The following NKD2 variants were observed in gnomAD, a reference collection of about 807,000 sequenced individuals.
NKD2 encodes the protein protein naked cuticle homolog 2.
A neutral mutation model predicts 34.8 loss-of-function variants in NKD2; 43 were observed. That is an observed-to-expected ratio of 1.24 (90% confidence interval 0.97 to 1.60). NKD2 has a LOEUF of 1.60. Ranked by LOEUF, NKD2 falls within the 40% of genes most tolerant of loss-of-function variation. The pLI, the probability that NKD2 is intolerant of heterozygous loss-of-function variation, is 0.00. For synonymous variants in NKD2, 278 were observed against 265.1 expected (o/e 1.05, Z -0.47); for missense variants, 675 against 627.1 (o/e 1.08, Z -0.82).
At position 1,037,841 on chromosome 5, in the gene NKD2, G is replaced by C. The variant is rs1397338053; in HGVS notation, c.824G>C (p.Gly275Ala). 1 of 1,590,778 alleles carries C rather than the reference G, an allele frequency of 6.3e-7. No homozygotes were observed. The highest frequency in any genetic ancestry group is 1.1e-5 in the South Asian group (1 of 88,978). Residue 275 changes from glycine to alanine, a missense_variant, in exon 10 of 10, where the codon GGC (glycine) becomes GCC (alanine). Coordinates refer to ENST00000296849, the MANE Select transcript of NKD2 (RefSeq NM_033120.4). Reference sequence around the variant, plus strand: ...GTGCAAGCAAAGCAGGAGCCCCAGGGCAGGGCCTCGCACCTCCAGGCCCGG... The same window carrying C: ...GTGCAAGCAAAGCAGGAGCCCCAGGCCAGGGCCTCGCACCTCCAGGCCCGG... ...PPVQAKQEPQ[G>A]RASHLQARSR...
At chr5:1,028,943 G>A (rs765742486) in intron 3 of NKD2, among the ~76,000 whole-genome samples, 6 of 152,326 alleles carry the variant, frequency 3.9e-5, no homozygotes, top group Non-Finnish European at 7.3e-5. Context: ...GGGATCCTGT[G>A]TGCGGACTTG....
At chr5:1,026,356 C>T (rs187848853) in intron 3 of NKD2, among the ~76,000 whole-genome samples, 2 of 86,916 alleles carry the variant, frequency 2.3e-5, no homozygotes, top group Non-Finnish European at 4.8e-5. Flanking sequence ...GCTCTTCCCA[C>T]CCTCTGTGGG....
At chr5:1,036,449 TC>T (rs1733937970) in intron 9 of NKD2, 65 bp downstream of exon 9, 8 of 1,427,030 alleles carry the variant, frequency 5.6e-6, no homozygotes, top group Non-Finnish European at 7.8e-6. Flanking sequence ...AGGTCTTGAT[TC>T]CCACAGCCCT....
chr5:1,009,108 AG>A lies in NKD2; in HGVS notation c.25+29del. 1 of 130,802 alleles carries A rather than the reference AG, an allele frequency of 7.6e-6. No individual in the cohort carries two copies. Among genetic ancestry groups the A allele is most frequent in the Non-Finnish European group, 1.2e-5 (1 of 84,636 alleles). 8.1% of individuals were successfully genotyped at this position (130,802 alleles called of 1,614,324 possible). On this transcript the variant is annotated intron_variant, in intron 1 of 9. Transcript: ENST00000296849. This position sits in a 1 kb window ranked among gnomAD's most constrained non-coding sequence, Gnocchi z 6.9. ...GTGAGCCGCGGGCCGGTAGGGCGGG[AG>A]GGCGGGCGGGCGGGCGTGGGGCCGC...
intron 3 of NKD2, among the ~76,000 whole-genome samples, chr5:1,015,164 C>T (rs1030375628): frequency 6.6e-6 from 1 of 152,206 alleles, no homozygotes. Context: ...CAGAGGGGTG[C>T]GTGAGTCCGT....
chr5:1,035,581 T>C, intron 8 of NKD2, 108 bp downstream of exon 8: 2 of 842,588 alleles, frequency 2.4e-6, no homozygotes, highest in Non-Finnish European at 3.8e-6. Context: ...ATCCTCTAGG[T>C]CAGACCTGCA....
intron 3 of NKD2, among the ~76,000 whole-genome samples, chr5:1,028,245 G>A (rs1756504093): frequency 6.6e-6 from 1 of 152,146 alleles, no homozygotes; most frequent in African/African-American, 2.4e-5. Context: ...CGGGGTGGTT[G>A]GCTCACAGAC....
chr5:1,038,200 C>T lies in NKD2; in HGVS notation c.1183C>T (p.Pro395Ser), dbSNP rs199826697. ...YRQKGREGHS[P>S]LKAPHAQPAT... ...CCAAAAGGGCAGGGAGGGCCACTCG[C>T]CACTCAAGGCCCCACACGCTCAGCC... Residue 395 changes from proline to serine, a missense_variant, in exon 10 of 10, where the codon CCA becomes TCA. Transcript: ENST00000296849. This position sits in a 1 kb window ranked among gnomAD's most constrained non-coding sequence, Gnocchi z 4.5. 4 of 1,590,058 alleles carry T rather than the reference C, an allele frequency of 2.5e-6. No homozygotes were observed. Among genetic ancestry groups the T allele is most frequent in the East Asian group, 2.3e-5 (1 of 43,924 alleles).
At chr5:1,027,472 C>A (rs1215099272) in intron 3 of NKD2, among the ~76,000 whole-genome samples, 4 of 152,186 alleles carry the variant, frequency 2.6e-5, no homozygotes, top group Non-Finnish European at 4.4e-5. Context: ...CTGAAGCCTT[C>A]CTCTCTGTCT....
intron 3 of NKD2, among the ~76,000 whole-genome samples, chr5:1,016,725 G>A (rs867234134): frequency 3.3e-5 from 5 of 152,212 alleles, no homozygotes; most frequent in African/African-American, 7.2e-5. Context: ...GTGGTCCTGC[G>A]TGGATGTACT....
intron 3 of NKD2, among the ~76,000 whole-genome samples, chr5:1,017,320 C>T (rs1313828962): frequency 3.9e-5 from 6 of 152,360 alleles, no homozygotes; most frequent in East Asian, 3.9e-4. Flanking sequence ...TCAACTGTCC[C>T]GAGGGCGTGC....
intron 3 of NKD2, among the ~76,000 whole-genome samples, chr5:1,015,306 G>C (rs917236674): frequency 6.6e-6 from 1 of 152,240 alleles, no homozygotes; most frequent in Non-Finnish European, 1.5e-5. Flanking sequence ...GAGGCCAGTG[G>C]GTGGGAGTGG....
rs1733700798 is a variant in NKD2 at position 1,034,294 on chromosome 5, C to T, written c.390C>T (p.Leu130=). 1.2e-6 allele frequency: 2 copies of T among 1,612,876 alleles called. No homozygotes were observed. Among genetic ancestry groups the T allele is most frequent in the Non-Finnish European group, 1.7e-6 (2 of 1,179,886 alleles). Residue 130 remains leucine, a synonymous_variant, in exon 6 of 10, where the codon CTC becomes CTT. Coordinates refer to ENST00000296849, the MANE Select transcript of NKD2 (RefSeq NM_033120.4). ...ACCGCCAGGAGTGGACGTTCACGCT[C>T]TATGACTTTGACAACTGCGGGAAGG... ...EDDRQEWTFT[L]YDFDNCGKVT... is the part of the protein sequence containing the mutation.
chr5:1,034,329 A>T lies in NKD2; in HGVS notation c.425A>T (p.Glu142Val). The T allele has an allele frequency of 1.2e-6, 2 of 1,610,450 alleles. No homozygotes were observed. Among genetic ancestry groups the T allele is most frequent in the Non-Finnish European group, 8.5e-7 (1 of 1,178,016 alleles). ...GACAACTGCGGGAAGGTCACCAGGG[A>T]GGTAGGTGAGCTTGTGTTTGCGTCA... The part of the protein sequence containing the change: ...DFDNCGKVTR[E>V]DMSSLMHTIY... Residue 142 changes from glutamate to valine, a missense_variant and splice_region_variant, in exon 6 of 10, where the codon GAG becomes GTG. Coordinates refer to ENST00000296849, the MANE Select transcript of NKD2 (RefSeq NM_033120.4).
intron 3 of NKD2, among the ~76,000 whole-genome samples, chr5:1,030,844 GC>G (rs1177679542): frequency 2.6e-5 from 4 of 152,178 alleles, no homozygotes; most frequent in African/African-American, 9.7e-5. Flanking sequence ...CCTTGGCACC[GC>G]CCTGGGCGGC....
chr5:1,013,868 T>C (rs1462363513), intron 3 of NKD2, among the ~76,000 whole-genome samples: 1 of 152,136 alleles, frequency 6.6e-6, no homozygotes, highest in East Asian at 1.9e-4. Flanking sequence ...TGTCGGCCCC[T>C]GTGTCTGTGA....
At chr5:1,030,213 G>A (rs1756591173) in intron 3 of NKD2, among the ~76,000 whole-genome samples, 1 of 152,174 alleles carries the variant, frequency 6.6e-6, no homozygotes, top group Non-Finnish European at 1.5e-5. Flanking sequence ...CCCTCAGCCT[G>A]GGCATTGGTG....
rs79898253 is a variant in NKD2, at chr5:1,030,989, C to T, written c.142-1163C>T. On this transcript the variant is annotated intron_variant, in intron 3 of 9. Transcript: ENST00000296849. ...ATGTGTGGGTGGGGGTCTGGTCCCT[C>T]TCTCCCCACCCAAGTTCTGGGGTGG... Among the ~76,000 whole-genome samples the T allele has an allele frequency of 5.2e-3, 790 of 152,246 alleles. 8 individuals carry two copies. The highest frequency in any genetic ancestry group is 9.0e-3 in the Admixed American group (138 of 15,306).
In NKD2 at chr5:1,037,857, C is replaced by G; in HGVS notation, c.840C>G (p.Leu280=). 6 of 1,599,216 alleles carry G rather than the reference C, an allele frequency of 3.8e-6. No homozygotes were observed. Among genetic ancestry groups the G allele is most frequent in the African/African-American group, 1.3e-5 (1 of 74,886 alleles). Residue 280 remains leucine, a synonymous_variant, in exon 10 of 10, where the codon CTC becomes CTG. Transcript: ENST00000296849. ...AGCCCCAGGGCAGGGCCTCGCACCTCCAGGCCCGGTCCCGCTCCCAGGAGC... is the reference window on the plus strand; with the variant it reads ...AGCCCCAGGGCAGGGCCTCGCACCTGCAGGCCCGGTCCCGCTCCCAGGAGC... ...KQEPQGRASH[L]QARSRSQEPD...
Sources: gnomAD v4.1 joint callset for allele counts (sites outside exome capture counted in the v4.1 genomes callset) on GRCh38, gnomAD v4.1.1 for gene constraint, Gnocchi (gnomAD v3.1) non-coding constraint, MANE v1.5 for transcripts, NCBI Gene and HGNC (gene_info 2026-07-23, HGNC 2026-07-21) for gene names.